The following PHLDA2 variants were observed in gnomAD, a reference collection of about 807,000 sequenced individuals.
PHLDA2 encodes the protein pleckstrin homology-like domain family A member 2.
In PHLDA2, 5 loss-of-function variants were observed where a neutral mutation model predicts 5.9. That is an observed-to-expected ratio of 0.85 (90% CI 0.44 to 1.78). The LOEUF (loss-of-function observed/expected upper bound fraction) is 1.78, where lower values mean the gene tolerates loss of function less well. PHLDA2 is among the 40% of genes most tolerant of loss of function. The pLI is 0.02. For synonymous variants in PHLDA2, 111 were observed against 102.7 expected (o/e 1.08, Z -0.49); for missense variants, 216 against 228.3 (o/e 0.95, Z 0.35).
rs912924956 is a variant in PHLDA2 at position 2,928,874 on chromosome 11, C to T, written c.*10+22G>A. 1.2e-5 allele frequency: 16 copies of T among 1,336,594 alleles called. No individual in the cohort carries two copies. In the African/African-American group the frequency reaches 2.2e-4, roughly 18 times the overall value. 82.8% of individuals were successfully genotyped at this position (1,336,594 alleles called of 1,614,324 possible). The stretch of plus-strand genomic sequence containing the variant: ...CCGGCTGTTAGGGCGCAGGGCTCGC[C>T]GGGACGCGGGCAGTCACTCACCGCG... On this transcript the variant is annotated intron_variant, in intron 1 of 1. Coordinates refer to ENST00000314222, the MANE Select transcript of PHLDA2 (RefSeq NM_003311.4).
At position 2,928,913 on chromosome 11, in the gene PHLDA2, G is replaced by A. The variant is rs751786648; in HGVS notation, c.452C>T (p.Thr151Met). ...TCACTCACCGCGGCGGGCTCATGGCGTGCGGGGTTTGGGCTGCGGGGATGG... is the reference window on the plus strand; with the variant it reads ...TCACTCACCGCGGCGGGCTCATGGCATGCGGGGTTTGGGCTGCGGGGATGG... ...SRPSPQPKPR[T>M]P is the part of the protein sequence containing the mutation. Residue 151 changes from threonine (T) to methionine (M), a missense_variant, in exon 1 of 2, where the codon ACG becomes ATG. Thr to Met is a moderately conservative substitution (Grantham distance 81). Transcript: ENST00000314222. 2.2e-6 allele frequency: 3 copies of A among 1,378,558 alleles called. No individual in the cohort carries two copies. The highest frequency in any genetic ancestry group is 2.8e-6 in the Non-Finnish European group (3 of 1,075,450). The allele number at this position is 1,378,558 out of a possible 1,614,324, so 85.4% of individuals were successfully genotyped here. A position where few individuals can be genotyped will look rare whatever the true frequency, so the allele number is the denominator to read the frequency against.
Position 2,929,299 on chromosome 11 carries a change from C to A in PHLDA2, c.66G>T (p.Gln22His). The A allele has an allele frequency of 6.2e-7, 1 of 1,609,748 alleles. No individual in the cohort carries two copies. Among genetic ancestry groups the A allele is most frequent in the Non-Finnish European group, 8.5e-7 (1 of 1,178,812 alleles). ...ELEKRSDSLF[Q>H]LWKKKRGVLT... ...GCACCCCGCGCTTCTTCTTCCATAG[C>A]TGGAAGAGGCTGTCGCTGCGCTTCT... Residue 22 changes from glutamine to histidine, a missense_variant, in exon 1 of 2, where the codon CAG becomes CAT. Physicochemically the swap from Gln to His is conservative, Grantham distance 24. Coordinates refer to ENST00000314222, the MANE Select transcript of PHLDA2 (RefSeq NM_003311.4). This position sits in a 1 kb window ranked among gnomAD's most constrained non-coding sequence, Gnocchi z 8.3.
In PHLDA2 at chr11:2,929,234, C is replaced by T; in HGVS notation, c.131G>A (p.Arg44His). 3 of 1,611,918 alleles carry T rather than the reference C, an allele frequency of 1.9e-6. No individual in the cohort carries two copies. Among genetic ancestry groups the T allele is most frequent in the Non-Finnish European group, 1.7e-6 (2 of 1,179,716 alleles). ...GAAGCGCAGCTCCTTGGGGCGCGCG[C>T]GGGGGCTGGCGGGGAACAGGCTCAG... ...DRLSLFPASP[R>H]ARPKELRFHS... Residue 44 changes from arginine (R) to histidine (H), a missense_variant, in exon 1 of 2, where the codon CGC becomes CAC. Coordinates refer to ENST00000314222, the MANE Select transcript of PHLDA2 (RefSeq NM_003311.4). This position sits in a 1 kb window ranked among gnomAD's most constrained non-coding sequence, Gnocchi z 8.3.
Position 2,929,237 on chromosome 11 carries a change from G to T in PHLDA2, c.128C>A (p.Pro43His). The change falls in exon 1 of 2, where the codon CCC becomes CAC. Residue 43 changes from proline to histidine, a missense_variant. By Grantham distance (77) the Pro-to-His change is moderately conservative. Transcript: ENST00000314222. This position sits in a 1 kb window ranked among gnomAD's most constrained non-coding sequence, Gnocchi z 8.3. Reference sequence around the variant, plus strand: ...GCGCAGCTCCTTGGGGCGCGCGCGGGGGCTGGCGGGGAACAGGCTCAGGCG... The same window carrying T: ...GCGCAGCTCCTTGGGGCGCGCGCGGTGGCTGGCGGGGAACAGGCTCAGGCG... Reference protein sequence around the residue: ...SDRLSLFPASPRARPKELRFH... With the variant: ...SDRLSLFPASHRARPKELRFH... 6.2e-7 allele frequency: 1 copy of T among 1,612,062 alleles called. No homozygotes were observed. The highest frequency in any genetic ancestry group is 8.5e-7 in the Non-Finnish European group (1 of 1,179,756).
chr11:2,928,437 CA>C lies in PHLDA2; in HGVS notation c.*240del, dbSNP rs1228415052. The C allele has an allele frequency of 1.2e-5, 2 of 161,238 alleles. No homozygotes were observed. The highest frequency in any genetic ancestry group is 4.8e-5 in the African/African-American group (2 of 41,956). The allele number at this position is 161,238 out of a possible 1,614,324, so 10.0% of individuals were successfully genotyped here. A position where few individuals can be genotyped will look rare whatever the true frequency, so the allele number is the denominator to read the frequency against. ...CCGGATGGTAGAAAAGCAAACTGGC[CA>C]AGTGATTTATTTGCAATGGGCACAG... is the stretch of plus-strand genomic sequence containing the variant. On this transcript the variant is annotated 3_prime_UTR_variant, in exon 2 of 2. Coordinates refer to ENST00000314222, the MANE Select transcript of PHLDA2 (RefSeq NM_003311.4).
rs550306763 is a variant in PHLDA2 at position 2,929,399 on chromosome 11, G to C, written c.-35C>G. ...AGCGCGGGACTGGGAGCGGCAATGCGGGCGGTGACGGCGCCGGCTCTGCTC... is the reference window on the plus strand; with the variant it reads ...AGCGCGGGACTGGGAGCGGCAATGCCGGCGGTGACGGCGCCGGCTCTGCTC... On this transcript the variant is annotated 5_prime_UTR_variant, in exon 1 of 2. Transcript: ENST00000314222. The surrounding 1 kb of genome is among the most constrained non-coding windows in gnomAD (Gnocchi z 8.3). 2.0e-6 allele frequency: 3 copies of C among 1,517,762 alleles called. No homozygotes were observed. Among genetic ancestry groups the C allele is most frequent in the South Asian group, 1.2e-5 (1 of 85,726 alleles). 94.0% of individuals were successfully genotyped at this position (1,517,762 alleles called of 1,614,324 possible).
Position 2,928,876 on chromosome 11 carries a change from G to C in PHLDA2, c.*10+20C>G. 1 of 1,337,056 alleles carries C rather than the reference G, an allele frequency of 7.5e-7. No individual in the cohort carries two copies. Among genetic ancestry groups the C allele is most frequent in the Non-Finnish European group, 9.6e-7 (1 of 1,046,274 alleles). 82.8% of individuals were successfully genotyped at this position (1,337,056 alleles called of 1,614,324 possible). ...GGCTGTTAGGGCGCAGGGCTCGCCG[G>C]GACGCGGGCAGTCACTCACCGCGGC... On this transcript the variant is annotated intron_variant, in intron 1 of 1. Coordinates refer to ENST00000314222, the MANE Select transcript of PHLDA2 (RefSeq NM_003311.4).
rs751378512 is a variant in PHLDA2 at position 2,929,335 on chromosome 11, C to T, written c.30G>A (p.Glu10=). 43 of 1,608,386 alleles carry T rather than the reference C, an allele frequency of 2.7e-5. No individual in the cohort carries two copies. Among genetic ancestry groups the T allele is most frequent in the Non-Finnish European group, 3.6e-5 (43 of 1,178,612 alleles). MKSPDEVLR[E]GELEKRSDSL... The stretch of plus-strand genomic sequence containing the variant: ...TGTCGCTGCGCTTCTCCAACTCGCC[C>T]TCGCGTAGCACCTCGTCGGGGGATT... Residue 10 remains glutamate (E), a synonymous_variant, in exon 1 of 2, where the codon GAG becomes GAA. Coordinates refer to ENST00000314222, the MANE Select transcript of PHLDA2 (RefSeq NM_003311.4). The surrounding 1 kb of genome is among the most constrained non-coding windows in gnomAD (Gnocchi z 8.3).
In PHLDA2 at chr11:2,928,996, G is replaced by C. The variant is rs1850476357; in HGVS notation, c.369C>G (p.Ala123=). 1.3e-6 allele frequency: 2 copies of C among 1,482,516 alleles called. No individual in the cohort carries two copies. Among genetic ancestry groups the C allele is most frequent in the Non-Finnish European group, 8.9e-7 (1 of 1,122,572 alleles). The allele number at this position is 1,482,516 out of a possible 1,614,324, so 91.8% of individuals were successfully genotyped here. A position where few individuals can be genotyped will look rare whatever the true frequency, so the allele number is the denominator to read the frequency against. Residue 123 remains alanine (A), a synonymous_variant, in exon 1 of 2, where the codon GCC becomes GCG. Coordinates refer to ENST00000314222, the MANE Select transcript of PHLDA2 (RefSeq NM_003311.4). ...CGGCCGCGGCAGCCACGGCGTCCTC[G>C]GCGGGTGCGGCGGGTGCGGTGCGTT... is the stretch of plus-strand genomic sequence containing the variant. ...RQERTAPAAP[A]EDAVAAAAAA... is the part of the protein sequence containing the mutation.
chr11:2,928,827 G>T (rs1850471200), intron 1 of PHLDA2, 69 bp downstream of exon 1: 1 of 1,162,140 alleles, frequency 8.6e-7, no homozygotes, highest in East Asian at 3.2e-5. Context: ...GGTTGAAGTG[G>T]TTTTTCCCAA....
At position 2,929,391 on chromosome 11, in the gene PHLDA2, G is replaced by C. The variant is rs531790551; in HGVS notation, c.-27C>G. Reference sequence around the variant, plus strand: ...TCGTGCCGAGCGCGGGACTGGGAGCGGCAATGCGGGCGGTGACGGCGCCGG... The same window carrying C: ...TCGTGCCGAGCGCGGGACTGGGAGCCGCAATGCGGGCGGTGACGGCGCCGG... On this transcript the variant is annotated 5_prime_UTR_variant, in exon 1 of 2. Coordinates refer to ENST00000314222, the MANE Select transcript of PHLDA2 (RefSeq NM_003311.4). The surrounding 1 kb of genome is among the most constrained non-coding windows in gnomAD (Gnocchi z 8.3). 40 of 1,557,242 alleles carry C rather than the reference G, an allele frequency of 2.6e-5. No individual in the cohort carries two copies. The Admixed American group carries it at 5.1e-4, about 20-fold the overall frequency.
chr11:2,929,153 G>A lies in PHLDA2; in HGVS notation c.212C>T (p.Thr71Ile), dbSNP rs1850480252. 1 of 1,612,996 alleles carries A rather than the reference G, an allele frequency of 6.2e-7. No individual in the cohort carries two copies. The change falls in exon 1 of 2, where the codon ACC (threonine) becomes ATC (isoleucine). Residue 71 changes from threonine (T) to isoleucine (I), a missense_variant. Physicochemically the swap from Thr to Ile is moderately conservative, Grantham distance 89. Transcript: ENST00000314222. This position sits in a 1 kb window ranked among gnomAD's most constrained non-coding sequence, Gnocchi z 8.3. ...VERTGKYVYF[T>I]IVTTDHKEID... ...CTCCTTGTGGTCGGTGGTGACGATG[G>A]TGAAGTACACGTACTTGCCCGTGCG... is the stretch of plus-strand genomic sequence containing the variant.
At chr11:2,928,797 G>A (rs953068454) in intron 1 of PHLDA2, 99 bp downstream of exon 1, 3 of 911,394 alleles carry the variant, frequency 3.3e-6, no homozygotes, top group Non-Finnish European at 4.5e-6. Context: ...GAGGTGCAGC[G>A]CCCCCGCCCC....
chr11:2,929,372 C>G lies in PHLDA2; in HGVS notation c.-8G>C, dbSNP rs570789290. 55 of 1,596,990 alleles carry G rather than the reference C, an allele frequency of 3.4e-5. No individual in the cohort carries two copies. Among genetic ancestry groups the G allele is most frequent in the South Asian group, 1.8e-4 (16 of 89,304 alleles). ...CTCGTCGGGGGATTTCATGTCGTGC[C>G]GAGCGCGGGACTGGGAGCGGCAATG... On this transcript the variant is annotated 5_prime_UTR_variant, in exon 1 of 2. Coordinates refer to ENST00000314222, the MANE Select transcript of PHLDA2 (RefSeq NM_003311.4). This position sits in a 1 kb window ranked among gnomAD's most constrained non-coding sequence, Gnocchi z 8.3.
In PHLDA2 at chr11:2,929,035, A is replaced by G; in HGVS notation, c.330T>C (p.Phe110=). 1 of 1,594,638 alleles carries G rather than the reference A, an allele frequency of 6.3e-7. No homozygotes were observed. The highest frequency in any genetic ancestry group is 8.5e-7 in the Non-Finnish European group (1 of 1,176,036). The change falls in exon 1 of 2, where the codon TTT becomes TTC. Residue 110 remains phenylalanine (F), a synonymous_variant. Coordinates refer to ENST00000314222, the MANE Select transcript of PHLDA2 (RefSeq NM_003311.4). This position sits in a 1 kb window ranked among gnomAD's most constrained non-coding sequence, Gnocchi z 8.3. ...DFQNRRALQD[F]RSRQERTAPA... ...GTGCGGTGCGTTCCTGGCGGCTGCG[A>G]AAGTCCTGCAGGGCGCGGCGGTTCT... is the stretch of plus-strand genomic sequence containing the variant.
At position 2,929,009 on chromosome 11, in the gene PHLDA2, G is replaced by A. The variant is rs759960240; in HGVS notation, c.356C>T (p.Pro119Leu). The change falls in exon 1 of 2, where the codon CCC (proline) becomes CTC (leucine). Residue 119 changes from proline to leucine, a missense_variant. Physicochemically the swap from Pro to Leu is moderately conservative, Grantham distance 98. Transcript: ENST00000314222. This position sits in a 1 kb window ranked among gnomAD's most constrained non-coding sequence, Gnocchi z 8.3. The stretch of plus-strand genomic sequence containing the variant: ...CACGGCGTCCTCGGCGGGTGCGGCG[G>A]GTGCGGTGCGTTCCTGGCGGCTGCG... ...DFRSRQERTA[P>L]AAPAEDAVAA... 9 of 1,532,848 alleles carry A rather than the reference G, an allele frequency of 5.9e-6. No homozygotes were observed. Among genetic ancestry groups the A allele is most frequent in the Non-Finnish European group, 7.9e-6 (9 of 1,146,138 alleles). The allele number at this position is 1,532,848 out of a possible 1,614,324, so 95.0% of individuals were successfully genotyped here.
Position 2,929,409 on chromosome 11 carries a change from G to C in PHLDA2, c.-45C>G, listed in dbSNP as rs1445359962. On this transcript the variant is annotated 5_prime_UTR_variant, in exon 1 of 2. Coordinates refer to ENST00000314222, the MANE Select transcript of PHLDA2 (RefSeq NM_003311.4). The surrounding 1 kb of genome is among the most constrained non-coding windows in gnomAD (Gnocchi z 8.3). Reference sequence around the variant, plus strand: ...TGGGAGCGGCAATGCGGGCGGTGACGGCGCCGGCTCTGCTCCTCGTGGCCC... The same window carrying C: ...TGGGAGCGGCAATGCGGGCGGTGACCGCGCCGGCTCTGCTCCTCGTGGCCC... 1 of 1,475,814 alleles carries C rather than the reference G, an allele frequency of 6.8e-7. No homozygotes were observed. The highest frequency in any genetic ancestry group is 9.2e-7 in the Non-Finnish European group (1 of 1,084,838). 91.4% of individuals were successfully genotyped at this position (1,475,814 alleles called of 1,614,324 possible).
At chr11:2,928,734 G>C in intron 1 of PHLDA2, 67 bp from the exon 2 acceptor site, 1 of 551,382 alleles carries the variant, frequency 1.8e-6, no homozygotes, top group Non-Finnish European at 3.0e-6. Context: ...GAGGGGCCCC[G>C]AGACCCTGAC....
In PHLDA2 at chr11:2,929,409, G is replaced by A. The variant is rs1445359962; in HGVS notation, c.-45C>T. On this transcript the variant is annotated 5_prime_UTR_variant, in exon 1 of 2. Transcript: ENST00000314222. The surrounding 1 kb of genome is among the most constrained non-coding windows in gnomAD (Gnocchi z 8.3). Reference sequence around the variant, plus strand: ...TGGGAGCGGCAATGCGGGCGGTGACGGCGCCGGCTCTGCTCCTCGTGGCCC... The same window carrying A: ...TGGGAGCGGCAATGCGGGCGGTGACAGCGCCGGCTCTGCTCCTCGTGGCCC... The A allele has an allele frequency of 2.7e-6, 4 of 1,475,694 alleles. No homozygotes were observed. Among genetic ancestry groups the A allele is most frequent in the Non-Finnish European group, 3.7e-6 (4 of 1,084,846 alleles). The allele number at this position is 1,475,694 out of a possible 1,614,324, so 91.4% of individuals were successfully genotyped here.
Sources: allele counts gnomAD v4.1 joint callset, GRCh38; gene constraint gnomAD v4.1.1; non-coding constraint Gnocchi (gnomAD v3.1); transcripts MANE v1.5; gene names NCBI Gene and HGNC (gene_info 2026-07-23, HGNC 2026-07-21).